Variants in SLC3A1 observed in about 807,000 individuals in gnomAD.
The protein encoded by SLC3A1 is solute carrier family 3 member 1, also known as amino acid transporter heavy chain SLC3A1.
SLC3A1 carries 78 observed loss-of-function variants against 60.3 expected under a neutral mutation model. The ratio of observed to expected loss-of-function variants is 1.29; its 90% CI spans 1.08 to 1.56. SLC3A1 has a LOEUF of 1.56. Among genes scored for constraint, SLC3A1 ranks in the 40% most tolerant of loss-of-function variants. The probability of loss-of-function intolerance (pLI) is 0.00; values close to 1 mark genes in which losing one functional copy is unlikely to be tolerated. For missense variants in SLC3A1, 1,172 were observed against 858.9 expected, an observed-to-expected ratio of 1.36 and a Z score of -4.56; for synonymous variants, 392 against 307.9, an observed-to-expected ratio of 1.27 and a Z score of -2.86.
chr2:44,300,213 T>C (rs2104362886), intron 5 of SLC3A1, 123 bp downstream of exon 5: 2 of 970,532 alleles, frequency 2.1e-6, no homozygotes, highest in East Asian at 5.1e-5. Context: ...GCAAGTACCC[T>C]GATTTATTTC....
chr2:44,319,866 A>C (rs1192154484), intron 9 of SLC3A1: 1 of 275,018 alleles, frequency 3.6e-6, no homozygotes, highest in African/African-American at 2.2e-5. Context: ...GCACAGAATG[A>C]CTATGCAAGT....
chr2:44,280,491 G>A (rs1671470197), intron 1 of SLC3A1, among the ~76,000 whole-genome samples: 1 of 152,054 alleles, frequency 6.6e-6, no homozygotes, highest in Non-Finnish European at 1.5e-5. Context: ...TCCCACCTTG[G>A]CCTCCCAAAG....
chr2:44,304,434 C>T lies in SLC3A1; in HGVS notation c.1332+96C>T, dbSNP rs375778296. ...CAATGGACCTTTGTCTCTAAGTGAC[C>T]ATCACCTCTGCCTTATTTGGTGATT... On this transcript the variant is annotated intron_variant, in intron 7 of 9. Transcript: ENST00000260649. 13 of 933,340 alleles carry T rather than the reference C, an allele frequency of 1.4e-5. No individual in the cohort carries two copies. In the African/African-American group the frequency reaches 1.5e-4, roughly 11 times the overall value. The allele number at this position is 933,340 out of a possible 1,614,324, so 57.8% of individuals were successfully genotyped here.
At chr2:44,286,423 C>T (rs888807552) in intron 4 of SLC3A1, among the ~76,000 whole-genome samples, 5 of 152,206 alleles carry the variant, frequency 3.3e-5, no homozygotes. Flanking sequence ...ACTCAGAGTA[C>T]CCTAAATGGA....
At chr2:44,286,837 A>T (rs1412371804) in intron 4 of SLC3A1, among the ~76,000 whole-genome samples, 1 of 149,780 alleles carries the variant, frequency 6.7e-6, no homozygotes, top group African/African-American at 2.5e-5. Context: ...GGTGCCTGTG[A>T]TGGTGAGCTG....
intron 1 of SLC3A1, among the ~76,000 whole-genome samples, chr2:44,279,648 G>A (rs901663817): frequency 3.3e-5 from 5 of 151,992 alleles, no homozygotes; most frequent in African/African-American, 9.7e-5. Flanking sequence ...AAAGAAGCAG[G>A]TGAAATTAAT....
At position 44,321,250 on chromosome 2, in the gene SLC3A1, A is replaced by G. The variant is rs1572833944; in HGVS notation, c.*611A>G. On this transcript the variant is annotated 3_prime_UTR_variant, in exon 10 of 10. Coordinates refer to ENST00000260649, the MANE Select transcript of SLC3A1 (RefSeq NM_000341.4). ...TGGAGAAGCACATTTTAAAAAATTA[A>G]TAACTTAAAAGTCTCAAGTTATTAA... 2.0e-6 allele frequency: 2 copies of G among 997,632 alleles called. No individual in the cohort carries two copies. The highest frequency in any genetic ancestry group is 2.9e-6 in the Non-Finnish European group (2 of 678,332). The allele number at this position is 997,632 out of a possible 1,614,324, so 61.8% of individuals were successfully genotyped here.
chr2:44,305,593 A>G (rs986768662), intron 7 of SLC3A1, among the ~76,000 whole-genome samples: 6 of 151,586 alleles, frequency 4.0e-5, no homozygotes, highest in Admixed American at 6.6e-5. Flanking sequence ...ATGCCTGGCT[A>G]ATTTTTTTAT....
rs750912461 is a variant in SLC3A1 at position 44,312,608 on chromosome 2, G to A, written c.1355G>A (p.Arg452Gln). ...CAGATTGGTGGACCAGACAGTTCAC[G>A]GCTGACTTCGCGTTTGGGGAATCAG... Reference protein sequence around the residue: ...NWMIGGPDSSRLTSRLGNQYV... With the variant: ...NWMIGGPDSSQLTSRLGNQYV... Residue 452 changes from arginine (R) to glutamine (Q), a missense_variant, in exon 8 of 10, where the codon CGG (arginine) becomes CAG (glutamine). Coordinates refer to ENST00000260649, the MANE Select transcript of SLC3A1 (RefSeq NM_000341.4). The A allele has an allele frequency of 7.4e-6, 12 of 1,613,788 alleles. No individual in the cohort carries two copies. Among genetic ancestry groups the A allele is most frequent in the East Asian group, 2.2e-5 (1 of 44,882 alleles).
chr2:44,299,834 A>G, intron 4 of SLC3A1, 137 bp from the exon 5 acceptor site: 1 of 905,462 alleles, frequency 1.1e-6, no homozygotes, highest in South Asian at 1.5e-5. Flanking sequence ...AGATAAAAAT[A>G]GACTGTGAAT....
chr2:44,299,999 G>C lies in SLC3A1; in HGVS notation c.920G>C (p.Gly307Ala). 6.2e-7 allele frequency: 1 copy of C among 1,614,042 alleles called. No homozygotes were observed. Among genetic ancestry groups the C allele is most frequent in the Non-Finnish European group, 8.5e-7 (1 of 1,179,920 alleles). The change falls in exon 5 of 10, where the codon GGT becomes GCT. Residue 307 changes from glycine to alanine, a missense_variant. Transcript: ENST00000260649. ...KEILRFWLTK[G>A]VDGFSLDAVK... ...ATTTTACGGTTCTGGCTCACAAAGG[G>C]TGTTGATGGTTTTAGTTTGGATGCT...
chr2:44,287,411 T>C (rs1671643916), intron 4 of SLC3A1, among the ~76,000 whole-genome samples: 1 of 152,132 alleles, frequency 6.6e-6, no homozygotes, highest in East Asian at 1.9e-4. Flanking sequence ...AGAGTGTGGT[T>C]CATGTGTTTC....
At chr2:44,289,111 A>T (rs752046979) in intron 4 of SLC3A1, among the ~76,000 whole-genome samples, 2 of 151,922 alleles carry the variant, frequency 1.3e-5, no homozygotes, top group Non-Finnish European at 2.9e-5. Context: ...CTGGGATTAC[A>T]GGTGTGAGCC....
intron 4 of SLC3A1, among the ~76,000 whole-genome samples, chr2:44,292,051 C>T (rs1409995668): frequency 6.6e-6 from 1 of 152,182 alleles, no homozygotes; most frequent in Non-Finnish European, 1.5e-5. Context: ...TGGTCCTCCA[C>T]ATTTCTTATT....
chr2:44,312,272 A>G (rs1672316711), intron 7 of SLC3A1, among the ~76,000 whole-genome samples: 1 of 152,174 alleles, frequency 6.6e-6, no homozygotes, highest in African/African-American at 2.4e-5. Context: ...GCTCTCTGCC[A>G]CAGTTTTGCT....
intron 3 of SLC3A1, among the ~76,000 whole-genome samples, chr2:44,284,453 T>G (rs189560875): frequency 2.6e-5 from 4 of 152,320 alleles, no homozygotes; most frequent in Admixed American, 2.6e-4. Context: ...TACAGGATAG[T>G]GTCAAATTCA....
intron 7 of SLC3A1, among the ~76,000 whole-genome samples, chr2:44,309,895 G>C (rs1672251573): frequency 6.6e-6 from 1 of 151,340 alleles, no homozygotes; most frequent in Admixed American, 6.6e-5. Context: ...ACTGTGCCCA[G>C]GCTTTTTTTT....
At chr2:44,285,445 G>A in intron 3 of SLC3A1, 1 of 321,624 alleles carries the variant, frequency 3.1e-6, no homozygotes, top group South Asian at 2.8e-5. Context: ...GCAGCCGGGA[G>A]AGTCATACCA....
intron 4 of SLC3A1, among the ~76,000 whole-genome samples, chr2:44,298,098 G>A (rs149170239): frequency 2.1e-4 from 32 of 152,226 alleles, no homozygotes; most frequent in African/African-American, 5.5e-4. Context: ...ATACCTATGC[G>A]TGAAATTGCT....
Sources: gnomAD v4.1 joint callset for allele counts (sites outside exome capture counted in the v4.1 genomes callset) on GRCh38, gnomAD v4.1.1 for gene constraint, MANE v1.5 for transcripts, NCBI Gene and HGNC (gene_info 2026-07-23, HGNC 2026-07-21) for gene names.